The following RSBN1L variants were observed in gnomAD, a reference collection of about 807,000 sequenced individuals.
RSBN1L encodes the protein lysine-specific demethylase RSBN1L.
RSBN1L carries 30 observed loss-of-function variants against 67.7 expected under a neutral mutation model. The ratio of observed to expected loss-of-function variants is 0.44; its 90% CI spans 0.33 to 0.60. The LOEUF is 0.60. Ranked by LOEUF, RSBN1L falls within the 20% of genes least tolerant of loss-of-function variation. RSBN1L has a pLI of 0.02. For synonymous variants in RSBN1L, 433 were observed against 387.0 expected, an observed-to-expected ratio of 1.12 and a Z score of -1.39; for missense variants, 992 against 1,031.7, an observed-to-expected ratio of 0.96 and a Z score of 0.53.
intron 1 of RSBN1L, among the ~76,000 whole-genome samples, chr7:77,712,314 G>A (rs1038669553): frequency 3.4e-5 from 5 of 148,458 alleles, no homozygotes; most frequent in African/African-American, 1.2e-4. Context: ...ACGGAGTTTC[G>A]CTCTGTTATC....
intron 1 of RSBN1L, among the ~76,000 whole-genome samples, chr7:77,727,863 C>G (rs897466414): frequency 2.0e-5 from 3 of 152,182 alleles, no homozygotes; most frequent in African/African-American, 7.2e-5. Context: ...TCTGCAAATG[C>G]TGTTTAATGC....
At chr7:77,748,896 C>CGTCT (rs77607499) in intron 2 of RSBN1L, among the ~76,000 whole-genome samples, 3 of 151,470 alleles carry the variant, frequency 2.0e-5, no homozygotes, top group Non-Finnish European at 4.4e-5. Flanking sequence ...GCTCTATGCC[C>CGTCT]GTCTGTCTGT....
At position 77,696,580 on chromosome 7, in the gene RSBN1L, G is replaced by A; in HGVS notation, c.111G>A (p.Pro37=). 6.2e-7 allele frequency: 1 copy of A among 1,614,104 alleles called. No individual in the cohort carries two copies. Among genetic ancestry groups the A allele is most frequent in the Non-Finnish European group, 8.5e-7 (1 of 1,180,000 alleles). Residue 37 remains proline (P), a synonymous_variant, in exon 1 of 8, where the codon CCG becomes CCA. Coordinates refer to ENST00000334955, the MANE Select transcript of RSBN1L (RefSeq NM_198467.3). ...TGCAACTCTCCTCCCGGGACCCTCCGGGTTCTCTGTCCGCCAAGAAGGTCC... is the reference window on the plus strand; with the variant it reads ...TGCAACTCTCCTCCCGGGACCCTCCAGGTTCTCTGTCCGCCAAGAAGGTCC... ...GKLQLSSRDP[P]GSLSAKKVRT...
intron 1 of RSBN1L, among the ~76,000 whole-genome samples, chr7:77,735,765 G>C (rs1791325971): frequency 6.6e-6 from 1 of 151,966 alleles, no homozygotes; most frequent in South Asian, 2.1e-4. Flanking sequence ...AATTTAATAG[G>C]CTATCAAATA....
intron 2 of RSBN1L, among the ~76,000 whole-genome samples, chr7:77,746,543 CT>C (rs1395524815): frequency 6.6e-6 from 1 of 152,294 alleles, no homozygotes; most frequent in South Asian, 2.1e-4. Flanking sequence ...CATTTCACCC[CT>C]GGCCCCTCCC....
intron 1 of RSBN1L, among the ~76,000 whole-genome samples, chr7:77,720,879 C>T (rs535379818): frequency 6.6e-6 from 1 of 150,812 alleles, no homozygotes. Flanking sequence ...CCCTCAGCCT[C>T]CTGAGTAGCT....
chr7:77,729,766 C>T lies in RSBN1L; in HGVS notation c.587-6644C>T, dbSNP rs193191869. ...CACAGGAGTTTGAGACTAGCCTGGGCAACATAGTGAGACCCTGTCTCTACA... is the reference window on the plus strand; with the variant it reads ...CACAGGAGTTTGAGACTAGCCTGGGTAACATAGTGAGACCCTGTCTCTACA... On this transcript the variant is annotated intron_variant, in intron 1 of 7. Coordinates refer to ENST00000334955, the MANE Select transcript of RSBN1L (RefSeq NM_198467.3). Among the ~76,000 whole-genome samples the T allele has an allele frequency of 1.8e-3, 268 of 152,162 alleles. 2 individuals are homozygous for T. The highest frequency in any genetic ancestry group is 6.1e-3 in the African/African-American group (253 of 41,526).
In RSBN1L at chr7:77,778,897, T is replaced by C. The variant is rs371057078; in HGVS notation, c.2270T>C (p.Ile757Thr). The change falls in exon 8 of 8, where the codon ATT becomes ACT. Residue 757 changes from isoleucine (I) to threonine (T), a missense_variant. Transcript: ENST00000334955. ...YELQQIKHEP[I>T]ASVRIKEEPV... ...TTACAGCAGATTAAACATGAACCTA[T>C]TGCATCTGTAAGAATCAAGGAAGAA... The C allele has an allele frequency of 2.9e-5, 46 of 1,613,908 alleles. No individual in the cohort carries two copies. The highest frequency in any genetic ancestry group is 3.8e-5 in the Non-Finnish European group (45 of 1,179,928).
intron 1 of RSBN1L, among the ~76,000 whole-genome samples, chr7:77,729,618 A>G (rs1024785408): frequency 1.3e-5 from 2 of 152,188 alleles, no homozygotes; most frequent in African/African-American, 4.8e-5. Flanking sequence ...GCTAAATCAT[A>G]AGTTCACCAT....
At chr7:77,715,567 T>C (rs1791038031) in intron 1 of RSBN1L, among the ~76,000 whole-genome samples, 1 of 152,100 alleles carries the variant, frequency 6.6e-6, no homozygotes, top group African/African-American at 2.4e-5. Context: ...CCGTAGCCTC[T>C]CAAAGTGCTA....
intron 1 of RSBN1L, among the ~76,000 whole-genome samples, chr7:77,728,651 C>T (rs748005970): frequency 6.0e-4 from 91 of 152,216 alleles, no homozygotes; most frequent in Non-Finnish European, 1.1e-3. Context: ...CCTAAAGGCA[C>T]TTGCAGTGCT....
intron 1 of RSBN1L, among the ~76,000 whole-genome samples, chr7:77,699,748 A>C (rs1041308538): frequency 2.0e-5 from 3 of 152,206 alleles, no homozygotes; most frequent in African/African-American, 2.4e-5. Context: ...TGACTCACCA[A>C]GTAAAAGTTA....
At chr7:77,738,928 G>C (rs762608532) in intron 2 of RSBN1L, among the ~76,000 whole-genome samples, 2 of 152,090 alleles carry the variant, frequency 1.3e-5, no homozygotes, top group Non-Finnish European at 2.9e-5. Context: ...AACAGAGAGA[G>C]ACTCCATCTC....
Position 77,696,836 on chromosome 7 carries a change from C to A in RSBN1L, c.367C>A (p.Pro123Thr). The A allele has an allele frequency of 6.2e-7, 1 of 1,613,232 alleles. No individual in the cohort carries two copies. The highest frequency in any genetic ancestry group is 8.5e-7 in the Non-Finnish European group (1 of 1,179,948). The change falls in exon 1 of 8, where the codon CCG becomes ACG. Residue 123 changes from proline (P) to threonine (T), a missense_variant. Physicochemically the swap from Pro to Thr is conservative, Grantham distance 38. This residue lies in a region of RSBN1L where 575 missense variants were observed against 483.2 expected (regional missense o/e 1.19). Coordinates refer to ENST00000334955, the MANE Select transcript of RSBN1L (RefSeq NM_198467.3). ...CTCAGCCTCCGCTTCCTTGTCTCAG[C>A]CGGTGCCGCGCAAACTGCTGGTCCC... is the stretch of plus-strand genomic sequence containing the variant. Reference protein sequence around the residue: ...PSSASASLSQPVPRKLLVPPT... With the variant: ...PSSASASLSQTVPRKLLVPPT...
intron 2 of RSBN1L, among the ~76,000 whole-genome samples, chr7:77,745,529 C>T (rs6956726): frequency 0.58 from 88,534 of 152,016 alleles, 27,908 homozygotes; most frequent in African/African-American, 0.84. Flanking sequence ...ACTTTTGTAA[C>T]ATATGACTTA....
chr7:77,766,305 C>G (rs1791765598), intron 4 of RSBN1L, among the ~76,000 whole-genome samples: 1 of 152,180 alleles, frequency 6.6e-6, no homozygotes, highest in Admixed American at 6.5e-5. Context: ...CCACGTCAGC[C>G]TCCCAAGTAC....
intron 1 of RSBN1L, among the ~76,000 whole-genome samples, chr7:77,719,865 A>G (rs1791093048): frequency 6.6e-6 from 1 of 152,172 alleles, no homozygotes; most frequent in Non-Finnish European, 1.5e-5. Context: ...CCTGGGCTCA[A>G]GTGATCCATC....
intron 1 of RSBN1L, among the ~76,000 whole-genome samples, chr7:77,735,768 A>T (rs1178912289): frequency 2.0e-5 from 3 of 152,076 alleles, no homozygotes; most frequent in African/African-American, 4.8e-5. Context: ...TTAATAGGCT[A>T]TCAAATATTT....
Position 77,726,466 on chromosome 7 carries a change from G to A in RSBN1L, c.587-9944G>A, listed in dbSNP as rs1016945406. On this transcript the variant is annotated intron_variant, in intron 1 of 7. Transcript: ENST00000334955. ...CTGATGTTGTCCTCATGATTAGACT[G>A]GAGTTTAGGGTTTTGGGGAGGAAGA... Among the ~76,000 whole-genome samples, 3 of 152,242 alleles carry A rather than the reference G, an allele frequency of 2.0e-5. No individual in the cohort carries two copies. The South Asian group carries it at 6.2e-4, about 32-fold the overall frequency.
Sources: gnomAD v4.1 joint callset for allele counts (sites outside exome capture counted in the v4.1 genomes callset) on GRCh38, gnomAD v4.1.1 for gene constraint, gnomAD v4.1.1 regional missense constraint, MANE v1.5 for transcripts, NCBI Gene and HGNC (gene_info 2026-07-23, HGNC 2026-07-21) for gene names.